Variants in CAMK1D observed in about 807,000 individuals in gnomAD.
CAMK1D encodes calcium/calmodulin-dependent protein kinase type 1D.
Under a neutral mutation model 47.7 loss-of-function variants are expected in CAMK1D, and 9 were observed. The observed-to-expected ratio is 0.19, with a 90% CI of 0.11 to 0.33. CAMK1D has a LOEUF of 0.33. Ranked by LOEUF, CAMK1D falls within the 10% of genes least tolerant of loss-of-function variation. The pLI is 1.00. For synonymous variants in CAMK1D, 184 were observed against 184.9 expected, an observed-to-expected ratio of 0.99 and a Z score of 0.04; for missense variants, 291 against 488.7, an observed-to-expected ratio of 0.60 and a Z score of 3.81.
intron 1 of CAMK1D, among the ~76,000 whole-genome samples, chr10:12,371,665 A>G (rs1838011336): frequency 6.6e-6 from 1 of 151,842 alleles, no homozygotes; most frequent in African/African-American, 2.4e-5. Context: ...TGGGAGGCCA[A>G]GGCGGGTGGA....
intron 2 of CAMK1D, among the ~76,000 whole-genome samples, chr10:12,568,709 C>T (rs143541567): frequency 0.01 from 1,578 of 151,758 alleles, 12 homozygotes; most frequent in Middle Eastern, 0.037. Context: ...TGCTTTTGAA[C>T]GACAAGCAGT....
At chr10:12,477,712 G>C (rs535303886) in intron 1 of CAMK1D, among the ~76,000 whole-genome samples, 4 of 152,238 alleles carry the variant, frequency 2.6e-5, no homozygotes, top group African/African-American at 9.6e-5. Context: ...CAGGGCAGAC[G>C]GTGTCTTGGA....
chr10:12,808,223 C>G (rs1832447441), intron 6 of CAMK1D, among the ~76,000 whole-genome samples: 1 of 152,346 alleles, frequency 6.6e-6, no homozygotes, highest in African/African-American at 2.4e-5. Context: ...CCTTGTATAC[C>G]CGGAATAGCC....
At chr10:12,473,135 A>G (rs1833799057) in intron 1 of CAMK1D, among the ~76,000 whole-genome samples, 1 of 152,186 alleles carries the variant, frequency 6.6e-6, no homozygotes. Flanking sequence ...GCAATGGTGG[A>G]TGCAGAAGCT....
chr10:12,577,038 G>C (rs1006000437), intron 2 of CAMK1D, among the ~76,000 whole-genome samples: 1 of 152,204 alleles, frequency 6.6e-6, no homozygotes, highest in Non-Finnish European at 1.5e-5. Flanking sequence ...CGTGCATCTT[G>C]GTTTCTAGCA....
chr10:12,624,517 G>T (rs576657572), intron 2 of CAMK1D, among the ~76,000 whole-genome samples: 1 of 152,094 alleles, frequency 6.6e-6, no homozygotes, highest in Non-Finnish European at 1.5e-5. Context: ...TTTTGTGACC[G>T]GCCCATTTCA....
At chr10:12,413,392 T>C (rs1472001437) in intron 1 of CAMK1D, among the ~76,000 whole-genome samples, 1 of 151,496 alleles carries the variant, frequency 6.6e-6, no homozygotes, top group Non-Finnish European at 1.5e-5. Context: ...GTACAATTCA[T>C]CATAACATTT....
intron 5 of CAMK1D, among the ~76,000 whole-genome samples, chr10:12,778,688 G>A (rs149106033): frequency 6.6e-6 from 1 of 152,262 alleles, no homozygotes; most frequent in Non-Finnish European, 1.5e-5. Context: ...ACCAGCCTGG[G>A]CAACATAGTA....
At chr10:12,610,102 A>C (rs996391715) in intron 2 of CAMK1D, among the ~76,000 whole-genome samples, 1 of 152,102 alleles carries the variant, frequency 6.6e-6, no homozygotes, top group African/African-American at 2.4e-5. Context: ...ACCCATTTCC[A>C]TGGTGTAAAG....
intron 2 of CAMK1D, among the ~76,000 whole-genome samples, chr10:12,605,436 G>T (rs1838429450): frequency 6.6e-6 from 1 of 151,922 alleles, no homozygotes; most frequent in Non-Finnish European, 1.5e-5. Context: ...TACTGTGGCA[G>T]ATAGTATTTG....
rs750670427 is a variant in CAMK1D at position 12,527,350 on chromosome 10, C to CTTTTT, written c.93-25857_93-25853dup. Among the ~76,000 whole-genome samples the CTTTTT allele has an allele frequency of 4.4e-3, 371 of 84,008 alleles. 16 individuals carry two copies. Among genetic ancestry groups the CTTTTT allele is most frequent in the East Asian group, 0.022 (60 of 2,708 alleles). The allele number at this position is 84,008 out of a possible 152,430, so 55.1% of individuals were successfully genotyped here. ...GGGTGCGGTTCCTTGACTTGACTTG[C>CTTTTT]TTTTTTTTTTTTTTTTTTTTTTGAG... On this transcript the variant is annotated intron_variant, in intron 1 of 10. Coordinates refer to ENST00000619168, the MANE Select transcript of CAMK1D (RefSeq NM_153498.4).
chr10:12,814,379 A>G, intron 7 of CAMK1D, 72 bp downstream of exon 7: 1 of 943,532 alleles, frequency 1.1e-6, no homozygotes. Context: ...TGACCCTGAC[A>G]GGCCCAGGGG....
chr10:12,435,234 A>G (rs1360656616), intron 1 of CAMK1D, among the ~76,000 whole-genome samples: 1 of 151,240 alleles, frequency 6.6e-6, no homozygotes, highest in Non-Finnish European at 1.5e-5. Flanking sequence ...AAAAAAAAAA[A>G]AAAAAAAAAA....
intron 1 of CAMK1D, among the ~76,000 whole-genome samples, chr10:12,482,162 C>T (rs2132101048): frequency 6.6e-6 from 1 of 152,306 alleles, no homozygotes; most frequent in Middle Eastern, 3.4e-3. Context: ...CTTAGCTTGT[C>T]TCTGAAAAGA....
Position 12,711,529 on chromosome 10 carries a change from A to G in CAMK1D, c.299+44719A>G, listed in dbSNP as rs138699958. ...GTTCATTTATATTTTTCTTTGTCAGAGTATGGAGATCCTAAAATCATCTGC... is the reference window on the plus strand; with the variant it reads ...GTTCATTTATATTTTTCTTTGTCAGGGTATGGAGATCCTAAAATCATCTGC... On this transcript the variant is annotated intron_variant, in intron 3 of 10. Coordinates refer to ENST00000619168, the MANE Select transcript of CAMK1D (RefSeq NM_153498.4). Among the ~76,000 whole-genome samples the G allele has an allele frequency of 1.3e-3, 194 of 152,288 alleles. 4 individuals are homozygous for G. The East Asian group carries it at 0.031, about 24-fold the overall frequency.
intron 1 of CAMK1D, among the ~76,000 whole-genome samples, chr10:12,543,123 C>T (rs1029440868): frequency 2.6e-5 from 4 of 152,214 alleles, no homozygotes; most frequent in South Asian, 2.1e-4. Context: ...TCTTGGCTCA[C>T]TGCAACCTCC....
intron 3 of CAMK1D, among the ~76,000 whole-genome samples, chr10:12,757,915 G>C (rs1347537533): frequency 7.6e-6 from 1 of 131,322 alleles, no homozygotes; most frequent in Non-Finnish European, 1.5e-5. Context: ...GCAATGGCAT[G>C]ATCTCGGCTC....
chr10:12,707,432 C>T (rs536665011), intron 3 of CAMK1D, among the ~76,000 whole-genome samples: 2 of 152,252 alleles, frequency 1.3e-5, no homozygotes, highest in Non-Finnish European at 1.5e-5. Context: ...ATCCCATATC[C>T]TCTTCCCAAC....
intron 3 of CAMK1D, among the ~76,000 whole-genome samples, chr10:12,708,977 C>G (rs1456265106): frequency 1.3e-5 from 2 of 152,244 alleles, no homozygotes; most frequent in Non-Finnish European, 2.9e-5. Context: ...CAGTTCGAGT[C>G]TCAGCCAAGG....
Sources: allele counts gnomAD v4.1 joint callset (sites outside exome capture counted in the v4.1 genomes callset), GRCh38; gene constraint gnomAD v4.1.1; transcripts MANE v1.5; gene names NCBI Gene and HGNC (gene_info 2026-07-23, HGNC 2026-07-21).